MTMR14: variants seen among roughly 807,000 people sequenced by gnomAD.
MTMR14 encodes the protein myotubularin related protein 14.
A neutral mutation model predicts 86.3 loss-of-function variants in MTMR14; 48 were observed. The observed-to-expected ratio is 0.56, with a 90% CI of 0.44 to 0.71. The LOEUF (loss-of-function observed/expected upper bound fraction) is 0.71. Ranked by LOEUF, MTMR14 falls within the 30% of genes least tolerant of loss-of-function variation. The pLI is 0.00. For synonymous variants in MTMR14, 366 were observed against 326.1 expected, an observed-to-expected ratio of 1.12 and a Z score of -1.32; for missense variants, 780 against 834.6, an observed-to-expected ratio of 0.93 and a Z score of 0.81.
Position 9,702,155 on chromosome 3 carries a change from C to T in MTMR14, c.*182C>T, listed in dbSNP as rs943057520. ...AAAGACAGGGTTTTCCAACCCCCAG[C>T]CTCTTGACTGGTGACCACCACCCCT... On this transcript the variant is annotated 3_prime_UTR_variant, in exon 19 of 19. Coordinates refer to ENST00000296003, the MANE Select transcript of MTMR14 (RefSeq NM_001077525.3). 24 of 737,734 alleles carry T rather than the reference C, an allele frequency of 3.3e-5. No individual in the cohort carries two copies. In the Admixed American group the frequency reaches 5.2e-4, roughly 16 times the overall value. 45.7% of individuals were successfully genotyped at this position (737,734 alleles called of 1,614,324 possible).
At chr3:9,649,904 A>T (rs1350726993) in intron 1 of MTMR14, among the ~76,000 whole-genome samples, 162 bp downstream of exon 1, 1 of 152,102 alleles carries the variant, frequency 6.6e-6, no homozygotes, top group Non-Finnish European at 1.5e-5. Context: ...GGAGTATAAG[A>T]GTCGGTCTTG....
chr3:9,650,785 C>CTTTTTTTTTTTTTTTTT (rs111650884), intron 1 of MTMR14, among the ~76,000 whole-genome samples: 1 of 139,856 alleles, frequency 7.2e-6, no homozygotes. Context: ...CTGGAATTTG[C>CTTTTTTTTTTTTTTTTT]TTTTTTTTTT....
chr3:9,653,585 A>C (rs774453093), intron 1 of MTMR14, 36 bp from the exon 2 acceptor site: 1 of 1,613,812 alleles, frequency 6.2e-7, no homozygotes, highest in Non-Finnish European at 8.5e-7. Flanking sequence ...AGAACCCCAG[A>C]ATTCTCTTTG....
At chr3:9,685,768 C>G (rs763560059) in intron 13 of MTMR14, among the ~76,000 whole-genome samples, 5 of 152,156 alleles carry the variant, frequency 3.3e-5, no homozygotes, top group African/African-American at 7.2e-5. Flanking sequence ...AGCACTCTCT[C>G]CCCCATGCCT....
chr3:9,692,235 CCA>C (rs949208226), intron 17 of MTMR14, among the ~76,000 whole-genome samples: 1 of 152,150 alleles, frequency 6.6e-6, no homozygotes, highest in Non-Finnish European at 1.5e-5. Context: ...TTTATACACT[CCA>C]AATTCTACAG....
intron 2 of MTMR14, among the ~76,000 whole-genome samples, chr3:9,659,427 C>T (rs1156977349): frequency 6.7e-6 from 1 of 150,022 alleles, no homozygotes; most frequent in Non-Finnish European, 1.5e-5. Flanking sequence ...AGTGAGAGAA[C>T]AGAAACTGAA....
At chr3:9,649,816 G>A (rs2047174670) in intron 1 of MTMR14, 74 bp downstream of exon 1, 2 of 1,588,712 alleles carry the variant, frequency 1.3e-6, no homozygotes, top group Admixed American at 1.8e-5. Flanking sequence ...TGAGGCCAGG[G>A]GTCAGAAAAA....
Position 9,701,773 on chromosome 3 carries a change from T to C in MTMR14, c.1770-17T>C. 6.2e-7 allele frequency: 1 copy of C among 1,613,270 alleles called. No homozygotes were observed. Among genetic ancestry groups the C allele is most frequent in the Non-Finnish European group, 8.5e-7 (1 of 1,180,020 alleles). On this transcript the variant is annotated splice_polypyrimidine_tract_variant and intron_variant, in intron 18 of 18. Coordinates refer to ENST00000296003, the MANE Select transcript of MTMR14 (RefSeq NM_001077525.3). This position sits in a 1 kb window ranked among gnomAD's most constrained non-coding sequence, Gnocchi z 4.2. ...CCCAGGGTAATGTCTTTGTTCTTTCTCTTGACCTCCCCATAGGCTTGCAGC... is the reference window on the plus strand; with the variant it reads ...CCCAGGGTAATGTCTTTGTTCTTTCCCTTGACCTCCCCATAGGCTTGCAGC...
At chr3:9,686,754 G>A (rs2075971288) in intron 13 of MTMR14, among the ~76,000 whole-genome samples, 1 of 152,240 alleles carries the variant, frequency 6.6e-6, no homozygotes, top group African/African-American at 2.4e-5. Flanking sequence ...GAAACTGACA[G>A]GGCTCGTGGG....
intron 2 of MTMR14, among the ~76,000 whole-genome samples, chr3:9,660,123 T>A (rs2047839598): frequency 6.6e-6 from 1 of 152,212 alleles, no homozygotes; most frequent in Admixed American, 6.5e-5. Context: ...GGAGTCTAGT[T>A]AGGCAATTAA....
At chr3:9,685,036 C>T in intron 12 of MTMR14, 72 bp downstream of exon 12, 3 of 1,535,852 alleles carry the variant, frequency 2.0e-6, no homozygotes, top group Non-Finnish European at 2.7e-6. Flanking sequence ...TGGTGGCTCC[C>T]TTGACAGGGG....
chr3:9,660,576 A>T (rs1020886766), intron 2 of MTMR14, among the ~76,000 whole-genome samples: 1 of 152,062 alleles, frequency 6.6e-6, no homozygotes, highest in African/African-American at 2.4e-5. Flanking sequence ...ATATATTTTA[A>T]CTAAGAATTC....
chr3:9,702,273 A>G lies in MTMR14; in HGVS notation c.*300A>G. 2.1e-6 allele frequency: 1 copy of G among 477,382 alleles called. No individual in the cohort carries two copies. The highest frequency in any genetic ancestry group is 2.0e-5 in the African/African-American group (1 of 51,234). 29.6% of individuals were successfully genotyped at this position (477,382 alleles called of 1,614,324 possible). A position where few individuals can be genotyped will look rare whatever the true frequency, so the allele number is the denominator to read the frequency against. On this transcript the variant is annotated 3_prime_UTR_variant, in exon 19 of 19. Transcript: ENST00000296003. Reference sequence around the variant, plus strand: ...GTTTCCCTGGGGCCTTGTGGAAGCCATGACTTCACAAAGACCCTACCTGTC... The same window carrying G: ...GTTTCCCTGGGGCCTTGTGGAAGCCGTGACTTCACAAAGACCCTACCTGTC...
At position 9,697,757 on chromosome 3, in the gene MTMR14, G is replaced by A; in HGVS notation, c.1660G>A (p.Gly554Ser). Residue 554 changes from glycine to serine, a missense_variant, in exon 18 of 19, where the codon GGC (glycine) becomes AGC (serine). Gly to Ser is a moderately conservative substitution (Grantham distance 56). Transcript: ENST00000296003. ...CGGATCCTCTCTCTCCACAGACTAT[G>A]GCAGCTGGCAGATGGTAACGGGCTG... is the stretch of plus-strand genomic sequence containing the variant. The part of the protein sequence containing the change: ...LPGSSLSTDY[G>S]SWQMVTGCGS... 1 of 1,614,160 alleles carries A rather than the reference G, an allele frequency of 6.2e-7. No homozygotes were observed. The highest frequency in any genetic ancestry group is 8.5e-7 in the Non-Finnish European group (1 of 1,180,020).
At chr3:9,674,079 CAT>C (rs765509100) in intron 7 of MTMR14, among the ~76,000 whole-genome samples, 106 of 152,158 alleles carry the variant, frequency 7.0e-4, no homozygotes, top group Non-Finnish European at 1.2e-3. Context: ...GGTTTTCAGA[CAT>C]AGTTTCCAGC....
chr3:9,655,532 C>G (rs2047549945), intron 2 of MTMR14, among the ~76,000 whole-genome samples: 1 of 128,638 alleles, frequency 7.8e-6, no homozygotes, highest in South Asian at 2.7e-4. Context: ...ACGATCTTGG[C>G]TCACTGCAAC....
At position 9,677,921 on chromosome 3, in the gene MTMR14, C is replaced by T; in HGVS notation, c.823-63C>T. 2.0e-6 allele frequency: 3 copies of T among 1,487,592 alleles called. No homozygotes were observed. Among genetic ancestry groups the T allele is most frequent in the African/African-American group, 2.8e-5 (2 of 72,554 alleles). 92.1% of individuals were successfully genotyped at this position (1,487,592 alleles called of 1,614,324 possible). A position where few individuals can be genotyped will look rare whatever the true frequency, so the allele number is the denominator to read the frequency against. ...GTCACAGCCTCAGGACTGCAAGCTTCCCCATCACCTAAGCCTCCTCTGGTG... is the reference window on the plus strand; with the variant it reads ...GTCACAGCCTCAGGACTGCAAGCTTTCCCATCACCTAAGCCTCCTCTGGTG... On this transcript the variant is annotated intron_variant, in intron 8 of 18. Coordinates refer to ENST00000296003, the MANE Select transcript of MTMR14 (RefSeq NM_001077525.3). The surrounding 1 kb of genome is among the most constrained non-coding windows in gnomAD (Gnocchi z 4.2).
chr3:9,684,539 A>G (rs2075872179), intron 10 of MTMR14, 46 bp from the exon 11 acceptor site: 1 of 1,591,328 alleles, frequency 6.3e-7, no homozygotes, highest in Non-Finnish European at 8.6e-7. Flanking sequence ...TCATCGGCCC[A>G]TGTCTGGTTC....
At chr3:9,663,504 T>C (rs1352487564) in intron 3 of MTMR14, among the ~76,000 whole-genome samples, 40 of 110,980 alleles carry the variant, frequency 3.6e-4, no homozygotes, top group African/African-American at 1.7e-3. Context: ...TCTCTCTCTT[T>C]TTTTTTTTTT....
Sources: gnomAD v4.1 joint callset for allele counts (sites outside exome capture counted in the v4.1 genomes callset) on GRCh38, gnomAD v4.1.1 for gene constraint, Gnocchi (gnomAD v3.1) non-coding constraint, MANE v1.5 for transcripts, NCBI Gene and HGNC (gene_info 2026-07-23, HGNC 2026-07-21) for gene names.